Variants in IGF1R observed in about 807,000 individuals in gnomAD.
The protein encoded by IGF1R is insulin-like growth factor 1 receptor.
IGF1R carries 44 observed loss-of-function variants against 144.6 expected under a neutral mutation model. The observed-to-expected ratio is 0.30, with a 90% confidence interval of 0.24 to 0.39. IGF1R has a LOEUF of 0.39. IGF1R is among the 10% of genes least tolerant of loss of function. The pLI, the probability that IGF1R is intolerant of heterozygous loss-of-function variation, is 1.00. For missense variants in IGF1R, 1,355 were observed against 1,833.7 expected, an observed-to-expected ratio of 0.74 and a Z score of 4.77; for synonymous variants, 795 against 722.8, an observed-to-expected ratio of 1.10 and a Z score of -1.60.
chr15:98,947,495 G>GT (rs1159124763), intron 19 of IGF1R, among the ~76,000 whole-genome samples: 1 of 152,082 alleles, frequency 6.6e-6, no homozygotes, highest in African/African-American at 2.4e-5. Context: ...CCCCTACTTG[G>GT]TGATGAGTAG....
intron 2 of IGF1R, among the ~76,000 whole-genome samples, chr15:98,789,647 G>A (rs1033018892): frequency 1.3e-5 from 2 of 152,234 alleles, no homozygotes; most frequent in South Asian, 2.1e-4. Context: ...ATTGGGCCAC[G>A]CAGCTTTTTC....
At chr15:98,912,482 TTC>T (rs1474879355) in intron 7 of IGF1R, among the ~76,000 whole-genome samples, 3 of 152,236 alleles carry the variant, frequency 2.0e-5, no homozygotes, top group African/African-American at 7.2e-5. Flanking sequence ...AAGTACTATA[TTC>T]TCTGATAGTC....
At chr15:98,710,107 C>A (rs1403934907) in intron 2 of IGF1R, among the ~76,000 whole-genome samples, 1 of 152,084 alleles carries the variant, frequency 6.6e-6, no homozygotes, top group African/African-American at 2.4e-5. Context: ...GGAAAAGCAC[C>A]GTGAAAATGT....
At chr15:98,660,772 C>T (rs1270419490) in intron 1 of IGF1R, 1 of 152,066 alleles carries the variant, frequency 6.6e-6, no homozygotes, top group Non-Finnish European at 1.5e-5. Context: ...TCACCTCATC[C>T]CTGTGGATGG....
chr15:98,813,004 C>T (rs1056469995), intron 2 of IGF1R, among the ~76,000 whole-genome samples: 20 of 152,196 alleles, frequency 1.3e-4, no homozygotes, highest in African/African-American at 2.2e-4. Flanking sequence ...GTGGCTTCTC[C>T]GATAGTGCTG....
chr15:98,943,139 C>G (rs2016427979), intron 19 of IGF1R, 87 bp downstream of exon 19: 2 of 1,473,074 alleles, frequency 1.4e-6, no homozygotes, highest in East Asian at 4.5e-5. Context: ...TTATCTTTCT[C>G]TGTTCATTGT....
Position 98,963,205 on chromosome 15 carries a change from T to G in IGF1R, c.*5763T>G. Reference sequence around the variant, plus strand: ...TTCTCTGTGTGTGCAAATGTGTGTTTGTGATCCATTTTTTTTTTTTTTTTT... The same window carrying G: ...TTCTCTGTGTGTGCAAATGTGTGTTGGTGATCCATTTTTTTTTTTTTTTTT... On this transcript the variant is annotated 3_prime_UTR_variant, in exon 21 of 21. Coordinates refer to ENST00000650285, the MANE Select transcript of IGF1R (RefSeq NM_000875.5). The G allele has an allele frequency of 4.8e-6, 1 of 209,994 alleles. No homozygotes were observed. 13.0% of individuals were successfully genotyped at this position (209,994 alleles called of 1,614,324 possible).
At chr15:98,951,038 C>G (rs2016754356) in intron 20 of IGF1R, among the ~76,000 whole-genome samples, 1 of 152,202 alleles carries the variant, frequency 6.6e-6, no homozygotes, top group Non-Finnish European at 1.5e-5. Context: ...GGGCGGCATG[C>G]TCATTAGCTG....
intron 1 of IGF1R, among the ~76,000 whole-genome samples, chr15:98,701,679 T>TA (rs1325585122): frequency 2.0e-5 from 3 of 152,172 alleles, no homozygotes; most frequent in Non-Finnish European, 4.4e-5. Context: ...ATCAAGTAGT[T>TA]ACCCATTTTA....
At chr15:98,851,493 T>G (rs919044003) in intron 2 of IGF1R, among the ~76,000 whole-genome samples, 5 of 152,316 alleles carry the variant, frequency 3.3e-5, no homozygotes, top group African/African-American at 1.2e-4. Context: ...CCCCGTGGCC[T>G]TCTCCTACCT....
At chr15:98,912,158 A>G (rs1369114910) in intron 7 of IGF1R, among the ~76,000 whole-genome samples, 1 of 151,818 alleles carries the variant, frequency 6.6e-6, no homozygotes, top group Non-Finnish European at 1.5e-5. Flanking sequence ...CATCCCCCTT[A>G]CCCAGGTCCC....
At chr15:98,879,714 C>G (rs575267831) in intron 2 of IGF1R, among the ~76,000 whole-genome samples, 2 of 152,232 alleles carry the variant, frequency 1.3e-5, no homozygotes, top group African/African-American at 4.8e-5. Flanking sequence ...GATTTTATCA[C>G]TGCACATTCA....
intron 1 of IGF1R, among the ~76,000 whole-genome samples, chr15:98,650,576 C>T (rs1331150831): frequency 6.6e-6 from 1 of 152,210 alleles, no homozygotes. Context: ...GTGGTCGGAG[C>T]CGACGTGCAT....
At chr15:98,722,402 T>C (rs2054266446) in intron 2 of IGF1R, among the ~76,000 whole-genome samples, 2 of 152,174 alleles carry the variant, frequency 1.3e-5, no homozygotes. Flanking sequence ...TGCCGAACAC[T>C]GTATACAAGG....
At chr15:98,708,242 C>T in intron 2 of IGF1R, 135 bp downstream of exon 2, 1 of 796,356 alleles carries the variant, frequency 1.3e-6, no homozygotes, top group Non-Finnish European at 2.1e-6. Context: ...CGTGGCATGC[C>T]TGCTGTGCGG....
chr15:98,884,870 C>T (rs2013562758), intron 2 of IGF1R, among the ~76,000 whole-genome samples: 1 of 152,074 alleles, frequency 6.6e-6, no homozygotes. Context: ...GTAGTCCAAA[C>T]TCCTATTGCT....
chr15:98,748,644 T>G (rs954966192), intron 2 of IGF1R, among the ~76,000 whole-genome samples: 15 of 152,206 alleles, frequency 9.9e-5, no homozygotes, highest in African/African-American at 3.6e-4. Flanking sequence ...CTGTAGGATC[T>G]AAAACAAATC....
At chr15:98,690,719 TC>T (rs751884325) in intron 1 of IGF1R, among the ~76,000 whole-genome samples, 14 of 152,174 alleles carry the variant, frequency 9.2e-5, no homozygotes, top group Non-Finnish European at 1.9e-4. Context: ...CCTGCTACTC[TC>T]CCCAGTCTGC....
In IGF1R at chr15:98,664,330, CCT is replaced by C. The variant is rs1419609162; in HGVS notation, c.94+14660_94+14661del. Among the ~76,000 whole-genome samples the C allele has an allele frequency of 2.0e-5, 3 of 152,128 alleles. No homozygotes were observed. In the East Asian group the frequency reaches 5.8e-4, roughly 29 times the overall value. On this transcript the variant is annotated intron_variant, in intron 1 of 20. Coordinates refer to ENST00000650285, the MANE Select transcript of IGF1R (RefSeq NM_000875.5). ...CATTGTACCGGGGCACGTTATTGAC[CCT>C]CTCTGCTCTCCTTTCCTCATCTGTA...
Sources: gnomAD v4.1 joint callset for allele counts (sites outside exome capture counted in the v4.1 genomes callset) on GRCh38, gnomAD v4.1.1 for gene constraint, MANE v1.5 for transcripts, NCBI Gene and HGNC (gene_info 2026-07-23, HGNC 2026-07-21) for gene names.